The following AFG1L variants were observed in gnomAD, a reference collection of about 807,000 sequenced individuals.
The protein encoded by AFG1L is AFG1-like ATPase.
In AFG1L, 53 loss-of-function variants were observed where a neutral mutation model predicts 62.2. The ratio of observed to expected loss-of-function variants is 0.85; its 90% CI spans 0.68 to 1.07. AFG1L has a LOEUF of 1.07. Ranked by LOEUF, AFG1L falls within the 50% of genes least tolerant of loss-of-function variation. AFG1L has a pLI of 0.00. For missense variants in AFG1L, 555 were observed against 590.5 expected, an observed-to-expected ratio of 0.94 and a Z score of 0.62; for synonymous variants, 228 against 210.3, an observed-to-expected ratio of 1.08 and a Z score of -0.73.
chr6:108,415,903 A>C (rs1228518948), intron 7 of AFG1L, among the ~76,000 whole-genome samples: 1 of 152,244 alleles, frequency 6.6e-6, no homozygotes, highest in Non-Finnish European at 1.5e-5. Flanking sequence ...TGGCAACAGA[A>C]GCCAAAATTG....
intron 3 of AFG1L, among the ~76,000 whole-genome samples, chr6:108,355,256 T>C (rs867044239): frequency 7.2e-5 from 11 of 152,230 alleles, no homozygotes; most frequent in South Asian, 4.1e-4. Flanking sequence ...TTTTTCATTT[T>C]TGAATTTTCC....
chr6:108,516,992 G>T (rs1156884398), intron 11 of AFG1L, among the ~76,000 whole-genome samples: 1 of 152,122 alleles, frequency 6.6e-6, no homozygotes, highest in Non-Finnish European at 1.5e-5. Context: ...ACTGCTCAAT[G>T]AAATAAAAGA....
chr6:108,415,870 C>G (rs886968179), intron 7 of AFG1L, among the ~76,000 whole-genome samples: 4 of 152,186 alleles, frequency 2.6e-5, no homozygotes, highest in Non-Finnish European at 5.9e-5. Flanking sequence ...GCAAGGACTT[C>G]ACGTCTAAAA....
chr6:108,496,518 A>G (rs372501057), intron 10 of AFG1L, among the ~76,000 whole-genome samples: 22 of 152,194 alleles, frequency 1.4e-4, no homozygotes, highest in African/African-American at 5.3e-4. Context: ...CAAGGTCTTT[A>G]GTATATGCTT....
chr6:108,505,410 A>AT (rs1033080767), intron 10 of AFG1L, among the ~76,000 whole-genome samples: 2 of 151,726 alleles, frequency 1.3e-5, no homozygotes, highest in Non-Finnish European at 2.9e-5. Flanking sequence ...TTCTATATGT[A>AT]TTTTTTTTCA....
chr6:108,424,666 G>GT (rs1210681115), intron 7 of AFG1L, among the ~76,000 whole-genome samples: 1 of 152,028 alleles, frequency 6.6e-6, no homozygotes, highest in Non-Finnish European at 1.5e-5. Context: ...GTTAGAAGTG[G>GT]TTAGCTGTGT....
At chr6:108,335,282 C>T (rs1778435917) in intron 2 of AFG1L, among the ~76,000 whole-genome samples, 1 of 152,080 alleles carries the variant, frequency 6.6e-6, no homozygotes, top group Admixed American at 6.5e-5. Flanking sequence ...TTTTTCTTTT[C>T]TTGGTCTTCT....
At chr6:108,323,713 C>A in intron 1 of AFG1L, 112 bp from the exon 2 acceptor site, 2 of 682,430 alleles carry the variant, frequency 2.9e-6, no homozygotes. Flanking sequence ...AAAACTGCTC[C>A]AATAGATATA....
chr6:108,455,639 G>A (rs1417517722), intron 8 of AFG1L, among the ~76,000 whole-genome samples: 1 of 151,956 alleles, frequency 6.6e-6, no homozygotes, highest in East Asian at 1.9e-4. Context: ...CTAAACTTTA[G>A]CTGCATCTCA....
At chr6:108,430,996 T>C (rs888858590) in intron 7 of AFG1L, among the ~76,000 whole-genome samples, 3 of 152,236 alleles carry the variant, frequency 2.0e-5, no homozygotes, top group African/African-American at 4.8e-5. Flanking sequence ...ACATAGCTAT[T>C]AGAATGCAAA....
Position 108,306,293 on chromosome 6 carries a change from T to C in AFG1L, c.139+11075T>C, listed in dbSNP as rs563887211. Among the ~76,000 whole-genome samples the C allele has an allele frequency of 4.6e-3, 701 of 152,336 alleles. 3 individuals are homozygous for C. The highest frequency in any genetic ancestry group is 8.1e-3 in the Non-Finnish European group (549 of 68,034). On this transcript the variant is annotated intron_variant, in intron 1 of 12. Transcript: ENST00000368977. ...CAAACAATGTTAGACATGTAGCTTC[T>C]GCCTTAACTGCTTCTTTTTGAGGCT...
intron 2 of AFG1L, among the ~76,000 whole-genome samples, chr6:108,341,552 TTGGAGAGTTGAGAGGGCTTACCC>T (rs1778684587): frequency 6.6e-6 from 1 of 152,064 alleles, no homozygotes; most frequent in Admixed American, 6.6e-5. Flanking sequence ...AGACAGCAGG[TTGGAGAGTTGAGAGGGCTTACCC>T]AGGGTCACCT....
intron 6 of AFG1L, among the ~76,000 whole-genome samples, chr6:108,379,555 G>A (rs1283562): frequency 0.66 from 100,236 of 152,102 alleles, 34,915 homozygotes; most frequent in African/African-American, 0.9. Flanking sequence ...AATGGGAGCC[G>A]TGAAGGGCAG....
chr6:108,435,702 G>C (rs896784856), intron 7 of AFG1L, among the ~76,000 whole-genome samples: 21 of 152,152 alleles, frequency 1.4e-4, no homozygotes, highest in African/African-American at 4.8e-4. Flanking sequence ...GAGATGGGCT[G>C]TGAACTCCAG....
chr6:108,387,082 A>G (rs1418425602), intron 6 of AFG1L, among the ~76,000 whole-genome samples: 2 of 152,228 alleles, frequency 1.3e-5, no homozygotes, highest in Non-Finnish European at 2.9e-5. Context: ...ATACCAAGAG[A>G]TATACTTTAA....
intron 5 of AFG1L, 46 bp from the exon 6 acceptor site, chr6:108,366,187 C>A (rs1779749249): frequency 8.2e-7 from 1 of 1,213,540 alleles, no homozygotes; most frequent in Non-Finnish European, 1.2e-6. Context: ...AAATTTGTTA[C>A]AGCAGAAGTG....
At chr6:108,361,827 C>T (rs907359797) in intron 5 of AFG1L, among the ~76,000 whole-genome samples, 3 of 152,318 alleles carry the variant, frequency 2.0e-5, no homozygotes, top group Admixed American at 6.5e-5. Context: ...GACCCCCACA[C>T]TTCTGGTGCC....
At chr6:108,464,605 T>C (rs779962035) in intron 8 of AFG1L, among the ~76,000 whole-genome samples, 6 of 151,984 alleles carry the variant, frequency 3.9e-5, no homozygotes, top group Admixed American at 1.3e-4. Flanking sequence ...TACTACTCAA[T>C]AGAAAATAGA....
intron 2 of AFG1L, among the ~76,000 whole-genome samples, chr6:108,338,668 G>A (rs1209331124): frequency 2.0e-5 from 3 of 152,082 alleles, no homozygotes; most frequent in African/African-American, 7.2e-5. Flanking sequence ...CTGTAATTCA[G>A]TGTTTCTCCA....
Sources: gnomAD v4.1 joint callset for allele counts (sites outside exome capture counted in the v4.1 genomes callset) on GRCh38, gnomAD v4.1.1 for gene constraint, MANE v1.5 for transcripts, NCBI Gene and HGNC (gene_info 2026-07-23, HGNC 2026-07-21) for gene names.